The following DOK6 variants were observed in gnomAD, a reference collection of about 807,000 sequenced individuals.
The protein encoded by DOK6 is downstream of tyrosine kinase 6.
Under a neutral mutation model 44.0 loss-of-function variants are expected in DOK6, and 22 were observed. The observed-to-expected ratio is 0.50, with a 90% confidence interval of 0.36 to 0.71. DOK6 has a LOEUF of 0.71. Ranked by LOEUF, DOK6 falls within the 30% of genes least tolerant of loss-of-function variation. DOK6 has a pLI of 0.00. For synonymous variants in DOK6, 166 were observed against 145.5 expected, an observed-to-expected ratio of 1.14 and a Z score of -1.01; for missense variants, 340 against 416.4, an observed-to-expected ratio of 0.82 and a Z score of 1.60.
Position 69,717,399 on chromosome 18 carries a change from T to C in DOK6, c.599+18806T>C, listed in dbSNP as rs73455019. 8.7e-3 allele frequency among the ~76,000 whole-genome samples: 1,318 copies of C among 152,352 alleles called. 17 individuals are homozygous for C. Among genetic ancestry groups the C allele is most frequent in the African/African-American group, 0.03 (1,239 of 41,586 alleles). ...TGAGGAAATATATTTCATATGGTAC[T>C]TAATAAGTGCTTATAAACAAAAAGT... On this transcript the variant is annotated intron_variant, in intron 5 of 7. Coordinates refer to ENST00000382713, the MANE Select transcript of DOK6 (RefSeq NM_152721.6).
intron 3 of DOK6, chr18:69,660,037 C>T (rs1334063116): frequency 6.6e-6 from 1 of 151,248 alleles, no homozygotes; most frequent in Non-Finnish European, 1.5e-5. Flanking sequence ...GGGGTGTCTT[C>T]CTAGCTTTAC....
chr18:69,831,386 C>G (rs893560891), intron 7 of DOK6, among the ~76,000 whole-genome samples: 2 of 152,216 alleles, frequency 1.3e-5, no homozygotes, highest in African/African-American at 4.8e-5. Context: ...CACAGACACA[C>G]TCAGAAATAA....
intron 1 of DOK6, among the ~76,000 whole-genome samples, chr18:69,544,104 A>AAT (rs1231578039): frequency 6.6e-6 from 1 of 150,782 alleles, no homozygotes; most frequent in Non-Finnish European, 1.5e-5. Context: ...TAAAAAAAAA[A>AAT]AAAATCAGCC....
At chr18:69,809,557 CACACACAG>C (rs927639591) in intron 7 of DOK6, among the ~76,000 whole-genome samples, 2 of 40,132 alleles carry the variant, frequency 5.0e-5, no homozygotes, top group African/African-American at 1.2e-4. Context: ...TAAGACTTCA[CACACACAG>C]ACACACACAC....
intron 3 of DOK6, among the ~76,000 whole-genome samples, chr18:69,637,158 G>C (rs1378472205): frequency 6.6e-6 from 1 of 152,086 alleles, no homozygotes; most frequent in African/African-American, 2.4e-5. Context: ...GGTTATTCTT[G>C]TCTTCCACTT....
At chr18:69,537,142 G>A (rs1270645225) in intron 1 of DOK6, among the ~76,000 whole-genome samples, 2 of 152,026 alleles carry the variant, frequency 1.3e-5, no homozygotes, top group Non-Finnish European at 2.9e-5. Flanking sequence ...GGCCAATACA[G>A]AAGTTTTAAA....
chr18:69,823,728 G>T (rs1398319651), intron 7 of DOK6, among the ~76,000 whole-genome samples: 1 of 151,658 alleles, frequency 6.6e-6, no homozygotes, highest in African/African-American at 2.4e-5. Flanking sequence ...CATCTTCCTG[G>T]TGCCTTCCTT....
intron 1 of DOK6, among the ~76,000 whole-genome samples, chr18:69,433,207 G>A (rs990473797): frequency 1.7e-4 from 26 of 152,008 alleles, no homozygotes; most frequent in Non-Finnish European, 7.4e-5. Flanking sequence ...CAATTTTTAG[G>A]AGATCTGTTA....
intron 4 of DOK6, among the ~76,000 whole-genome samples, chr18:69,682,358 G>A (rs1217681897): frequency 2.0e-5 from 3 of 152,172 alleles, no homozygotes; most frequent in Admixed American, 6.5e-5. Flanking sequence ...CAGTAGTACA[G>A]ACCTATAAGC....
intron 3 of DOK6, among the ~76,000 whole-genome samples, chr18:69,637,440 C>T (rs1568318080): frequency 6.6e-6 from 1 of 152,104 alleles, no homozygotes; most frequent in Non-Finnish European, 1.5e-5. Flanking sequence ...ATGTATAAGC[C>T]TACATAATTC....
intron 1 of DOK6, among the ~76,000 whole-genome samples, chr18:69,482,805 G>A (rs1980466881): frequency 6.6e-6 from 1 of 151,868 alleles, no homozygotes; most frequent in Non-Finnish European, 1.5e-5. Flanking sequence ...AGTGATATAA[G>A]AAATATGAGT....
chr18:69,824,405 G>A (rs1314595122), intron 7 of DOK6, among the ~76,000 whole-genome samples: 1 of 151,438 alleles, frequency 6.6e-6, no homozygotes, highest in Non-Finnish European at 1.5e-5. Context: ...GTGCAGTGGT[G>A]TCTCAGCTCA....
intron 1 of DOK6, among the ~76,000 whole-genome samples, chr18:69,506,481 G>A (rs554578230): frequency 4.6e-5 from 7 of 152,130 alleles, no homozygotes; most frequent in Admixed American, 1.3e-4. Context: ...TGTAAGTGTC[G>A]AAGAAATGAA....
At chr18:69,827,971 A>G (rs1385955381) in intron 7 of DOK6, among the ~76,000 whole-genome samples, 1 of 151,806 alleles carries the variant, frequency 6.6e-6, no homozygotes, top group Non-Finnish European at 1.5e-5. Context: ...CTTGTTATTG[A>G]TTTGTAGGAC....
chr18:69,642,574 C>A (rs1984970042), intron 3 of DOK6, among the ~76,000 whole-genome samples: 1 of 152,124 alleles, frequency 6.6e-6, no homozygotes. Flanking sequence ...ATTAATTTAT[C>A]TACCTGCCTT....
chr18:69,703,611 T>C lies in DOK6; in HGVS notation c.599+5018T>C, dbSNP rs139955281. On this transcript the variant is annotated intron_variant, in intron 5 of 7. Coordinates refer to ENST00000382713, the MANE Select transcript of DOK6 (RefSeq NM_152721.6). ...ATTTATTTCCCACTCAAGCTATGCC[T>C]GATGCAGGCTTGGACAGATCACCAG... 4.1e-3 allele frequency among the ~76,000 whole-genome samples: 624 copies of C among 152,356 alleles called. 2 individuals carry two copies. Among genetic ancestry groups the C allele is most frequent in the Non-Finnish European group, 7.0e-3 (476 of 68,034 alleles).
At chr18:69,751,252 G>C (rs1979168067) in intron 6 of DOK6, among the ~76,000 whole-genome samples, 1 of 152,010 alleles carries the variant, frequency 6.6e-6, no homozygotes, top group Non-Finnish European at 1.5e-5. Flanking sequence ...AATTTCAAAG[G>C]TTCTTATCAC....
chr18:69,427,608 T>C (rs1978676766), intron 1 of DOK6, among the ~76,000 whole-genome samples: 1 of 152,194 alleles, frequency 6.6e-6, no homozygotes, highest in African/African-American at 2.4e-5. Context: ...TTACTGGGTA[T>C]ATGCCCGAAG....
At chr18:69,469,755 C>T (rs544389530) in intron 1 of DOK6, 8 of 250,526 alleles carry the variant, frequency 3.2e-5, no homozygotes, top group African/African-American at 1.9e-4. Context: ...GGCCAGGACG[C>T]CATCGGCGAG....
Sources: gnomAD v4.1 joint callset for allele counts (sites outside exome capture counted in the v4.1 genomes callset) on GRCh38, gnomAD v4.1.1 for gene constraint, MANE v1.5 for transcripts, NCBI Gene and HGNC (gene_info 2026-07-23, HGNC 2026-07-21) for gene names.